Variants in MAF observed in about 807,000 individuals in gnomAD.
MAF encodes the protein transcription factor Maf.
In MAF, 10 loss-of-function variants were observed where a neutral mutation model predicts 22.0. The ratio of observed to expected loss-of-function variants is 0.45; its 90% CI spans 0.28 to 0.77. The LOEUF is 0.77. Among genes scored for constraint, MAF ranks in the 30% least tolerant of loss-of-function variants. The pLI is 0.12. For missense variants in MAF, 544 were observed against 548.4 expected (o/e 0.99, Z 0.08); for synonymous variants, 337 against 255.8 (o/e 1.32, Z -3.03).
chr16:79,496,782 G>T, the MAF span, among the ~76,000 whole-genome samples: 1 of 152,170 alleles, frequency 6.6e-6, no homozygotes, highest in Non-Finnish European at 1.5e-5. Flanking sequence ...GCTTGCCCAT[G>T]ATATCTAGTG....
the MAF span, among the ~76,000 whole-genome samples, chr16:79,304,042 C>T: frequency 2.0e-5 from 3 of 152,196 alleles, no homozygotes; most frequent in Admixed American, 6.5e-5. Flanking sequence ...TGCATTTCCT[C>T]TATAAAGAAA....
chr16:79,523,585 G>A, the MAF span, among the ~76,000 whole-genome samples: 1 of 152,194 alleles, frequency 6.6e-6, no homozygotes, highest in Non-Finnish European at 1.5e-5. Context: ...GCTGCCTCAA[G>A]AGTTTAGTGA....
the MAF span, among the ~76,000 whole-genome samples, chr16:79,536,912 G>A: frequency 6.6e-6 from 1 of 152,122 alleles, no homozygotes; most frequent in Non-Finnish European, 1.5e-5. Context: ...TATGGGAGGG[G>A]GGTCCAGGAA....
the MAF span, among the ~76,000 whole-genome samples, chr16:79,537,422 G>A: frequency 1.9e-4 from 28 of 149,906 alleles, no homozygotes; most frequent in South Asian, 4.5e-3. Flanking sequence ...CCAAAAGGGA[G>A]GCACTATTGC....
the MAF span, among the ~76,000 whole-genome samples, chr16:79,352,171 C>T: frequency 0.05 from 7,580 of 152,164 alleles, 359 homozygotes; most frequent in East Asian, 0.19. Flanking sequence ...GGAAGCCACA[C>T]CCTCAACTCA....
the MAF span, among the ~76,000 whole-genome samples, chr16:79,374,182 C>T: frequency 6.6e-6 from 1 of 152,170 alleles, no homozygotes; most frequent in African/African-American, 2.4e-5. Context: ...TTAACTTGTG[C>T]CCCTATTTGT....
the MAF span, among the ~76,000 whole-genome samples, chr16:79,369,625 G>A: frequency 2.7e-3 from 407 of 152,294 alleles, 3 homozygotes; most frequent in African/African-American, 9.3e-3. Context: ...AGTTTGTGTC[G>A]ATGGAAGCAA....
the MAF span, among the ~76,000 whole-genome samples, chr16:79,284,731 GT>G: frequency 6.6e-6 from 1 of 152,170 alleles, no homozygotes; most frequent in Admixed American, 6.5e-5. Context: ...TTTAACTTCC[GT>G]TTTTCAGGCA....
chr16:79,311,195 G>A, the MAF span, among the ~76,000 whole-genome samples: 5 of 151,890 alleles, frequency 3.3e-5, no homozygotes, highest in Admixed American at 6.6e-5. Context: ...TGCTTTAAGC[G>A]CAGGAGAAAG....
the MAF span, among the ~76,000 whole-genome samples, chr16:79,216,351 A>G: frequency 6.6e-6 from 1 of 151,648 alleles, no homozygotes; most frequent in South Asian, 2.1e-4. Context: ...TATGTATTGC[A>G]TATATATGTG....
the MAF span, among the ~76,000 whole-genome samples, chr16:79,251,458 G>C: frequency 6.6e-6 from 1 of 151,840 alleles, no homozygotes; most frequent in Admixed American, 6.6e-5. Context: ...TGGGATTACA[G>C]GCACCTGCCA....
chr16:79,405,475 C>T, the MAF span, among the ~76,000 whole-genome samples: 3 of 152,202 alleles, frequency 2.0e-5, no homozygotes, highest in African/African-American at 7.2e-5. Context: ...TGCCACTGAA[C>T]AACTTTCATT....
the MAF span, among the ~76,000 whole-genome samples, chr16:79,347,797 C>T: frequency 6.6e-6 from 1 of 152,096 alleles, no homozygotes; most frequent in African/African-American, 2.4e-5. Context: ...ACCAAGTCAC[C>T]GGTCATGTTA....
At chr16:79,420,548 C>A in the MAF span, among the ~76,000 whole-genome samples, 8 of 152,022 alleles carry the variant, frequency 5.3e-5, no homozygotes, top group South Asian at 4.2e-4. Flanking sequence ...CCCCCCTCCC[C>A]CTACGGCCTC....
chr16:79,405,105 C>A, the MAF span, among the ~76,000 whole-genome samples: 1 of 152,180 alleles, frequency 6.6e-6, no homozygotes, highest in Non-Finnish European at 1.5e-5. Context: ...ATCTCGAATA[C>A]TCCCATATGC....
the MAF span, among the ~76,000 whole-genome samples, chr16:79,367,781 T>C: frequency 2.0e-5 from 3 of 152,280 alleles, no homozygotes; most frequent in Non-Finnish European, 4.4e-5. Context: ...ACAGACTGAG[T>C]GAATGAACAG....
At chr16:79,419,994 G>T in the MAF span, among the ~76,000 whole-genome samples, 1 of 144,668 alleles carries the variant, frequency 6.9e-6, no homozygotes, top group African/African-American at 2.5e-5. Context: ...TTTTCAGAGG[G>T]TAACACACGG....
At chr16:79,594,776 T>A in intron 1 of MAF, 2 of 1,338,924 alleles carry the variant, frequency 1.5e-6, no homozygotes, top group South Asian at 3.4e-5. Context: ...TAATTGTTAT[T>A]TCTAAAAATG....
chr16:79,239,860 T>A, the MAF span, among the ~76,000 whole-genome samples: 1 of 152,022 alleles, frequency 6.6e-6, no homozygotes, highest in Non-Finnish European at 1.5e-5. Flanking sequence ...GGGAATGGGC[T>A]GAAGAAGCAC....
Sources: gnomAD v4.1 joint callset for allele counts (sites outside exome capture counted in the v4.1 genomes callset) on GRCh38, gnomAD v4.1.1 for gene constraint, MANE v1.5 for transcripts, NCBI Gene and HGNC (gene_info 2026-07-23, HGNC 2026-07-21) for gene names.